BICRA: variants seen among roughly 807,000 people sequenced by gnomAD.
BICRA encodes BRD4 interacting chromatin remodeling complex associated protein, also known as BRD4-interacting chromatin-remodeling complex-associated protein.
A neutral mutation model predicts 96.9 loss-of-function variants in BICRA; 31 were observed. The ratio of observed to expected loss-of-function variants is 0.32; its 90% CI spans 0.24 to 0.43. The LOEUF (loss-of-function observed/expected upper bound fraction) is 0.43. Among genes scored for constraint, BICRA ranks in the 20% least tolerant of loss-of-function variants. BICRA has a pLI of 1.00. For missense variants in BICRA, 2,283 were observed against 2,190.3 expected, an observed-to-expected ratio of 1.04 and a Z score of -0.84; for synonymous variants, 1,350 against 1,071.8, an observed-to-expected ratio of 1.26 and a Z score of -5.07.
Position 47,643,803 on chromosome 19 carries a change from C to G in BICRA, c.-107-26640C>G, listed in dbSNP as rs182486692. 4.0e-4 allele frequency among the ~76,000 whole-genome samples: 61 copies of G among 152,254 alleles called. 1 individual carries two copies. The highest frequency in any genetic ancestry group is 1.4e-3 in the African/African-American group (58 of 41,548). ...GGCAATGCTGAGAATATTTAAGCGT[C>G]CAGAGCCCCACCAGAACCCAGGCTG... On this transcript the variant is annotated intron_variant, in intron 1 of 14. Transcript: ENST00000594866.
rs1972895161 is a variant in BICRA, at chr19:47,673,423, A to T, written c.-5-147A>T. 7.5e-6 allele frequency: 5 copies of T among 668,630 alleles called. No homozygotes were observed. The Admixed American group carries it at 7.6e-5, about 10-fold the overall frequency. 41.4% of individuals were successfully genotyped at this position (668,630 alleles called of 1,614,324 possible). ...CTGGCTGGGAGGGCACCTGGGAGGT[A>T]TTCCTTGTCCCCATCTATCCCCATG... On this transcript the variant is annotated intron_variant, in intron 2 of 14. Coordinates refer to ENST00000594866, the MANE Select transcript of BICRA (RefSeq NM_001394372.1).
chr19:47,659,550 C>G (rs557912506), intron 1 of BICRA, among the ~76,000 whole-genome samples: 1 of 152,192 alleles, frequency 6.6e-6, no homozygotes, highest in East Asian at 1.9e-4. Context: ...GGACTCCTTT[C>G]TCCATGTGGA....
chr19:47,665,121 T>G (rs1303959180), intron 1 of BICRA, among the ~76,000 whole-genome samples: 2 of 148,690 alleles, frequency 1.3e-5, no homozygotes, highest in African/African-American at 4.9e-5. Flanking sequence ...CCTCCCTGGC[T>G]GAGAACCACC....
chr19:47,664,790 T>C (rs992410537), intron 1 of BICRA, among the ~76,000 whole-genome samples: 5 of 152,298 alleles, frequency 3.3e-5, no homozygotes, highest in Admixed American at 3.3e-4. Context: ...TGGCCACATG[T>C]CCGCCCTGTT....
intron 1 of BICRA, among the ~76,000 whole-genome samples, chr19:47,636,330 C>T (rs1330622153): frequency 6.6e-6 from 1 of 152,178 alleles, no homozygotes; most frequent in Non-Finnish European, 1.5e-5. Flanking sequence ...CCTCAGCCTC[C>T]TGAGGATCTG....
chr19:47,697,449 A>G (rs949156705), intron 11 of BICRA, among the ~76,000 whole-genome samples: 1 of 151,382 alleles, frequency 6.6e-6, no homozygotes, highest in African/African-American at 2.4e-5. Context: ...AGGTCTTACT[A>G]TGTTGCCCAG....
At position 47,701,155 on chromosome 19, in the gene BICRA, G is replaced by A. The variant is rs951216813; in HGVS notation, c.3596-173G>A. The A allele has an allele frequency of 6.6e-6, 4 of 604,756 alleles. No individual in the cohort carries two copies. The highest frequency in any genetic ancestry group is 3.7e-5 in the African/African-American group (2 of 53,814). The allele number at this position is 604,756 out of a possible 1,614,324, so 37.5% of individuals were successfully genotyped here. On this transcript the variant is annotated intron_variant, in intron 14 of 14. Transcript: ENST00000594866. This position sits in a 1 kb window ranked among gnomAD's most constrained non-coding sequence, Gnocchi z 5.4. ...AGGCACAGTGGTTTTAGAGTTGGGG[G>A]AATTTGGGCCTTGCTGAAGAGGGTC...
At chr19:47,608,892 GGT>G (rs1491375907), upstream of BICRA, among the ~76,000 whole-genome samples, 1 of 40,762 alleles carries the variant, frequency 2.5e-5, no homozygotes, top group African/African-American at 1.1e-4. Context: ...AAACCTGAGA[GGT>G]TTTTTTTTTT....
At chr19:47,667,619 G>C (rs1465099210) in intron 1 of BICRA, among the ~76,000 whole-genome samples, 3 of 152,116 alleles carry the variant, frequency 2.0e-5, no homozygotes, top group Non-Finnish European at 2.9e-5. Context: ...AGAATCCTGT[G>C]TTCCAGGGTC....
At chr19:47,657,065 G>T (rs1972629491) in intron 1 of BICRA, among the ~76,000 whole-genome samples, 1 of 152,052 alleles carries the variant, frequency 6.6e-6, no homozygotes, top group Non-Finnish European at 1.5e-5. Flanking sequence ...GTTTCACTGT[G>T]TTAGCCAGGA....
rs576221990 is a variant in BICRA, at chr19:47,672,368, G to C, written c.-5-1202G>C. Among the ~76,000 whole-genome samples the C allele has an allele frequency of 4.7e-3, 700 of 149,448 alleles. 5 individuals carry two copies. The highest frequency in any genetic ancestry group is 0.016 in the African/African-American group (659 of 40,192). ...GTAGATGGATGGAAGGATGGAGGAT[G>C]GGTAGGTAGATGGATGGAAGGATGG... On this transcript the variant is annotated intron_variant, in intron 2 of 14. Coordinates refer to ENST00000594866, the MANE Select transcript of BICRA (RefSeq NM_001394372.1).
At chr19:47,695,864 C>G (rs1362060690) in intron 10 of BICRA, among the ~76,000 whole-genome samples, 1 of 151,694 alleles carries the variant, frequency 6.6e-6, no homozygotes, top group Non-Finnish European at 1.5e-5. Context: ...AGATCAGGGA[C>G]CGAGAATGAA....
At chr19:47,694,849 C>A in intron 8 of BICRA, 51 bp from the exon 9 acceptor site, 1 of 1,351,646 alleles carries the variant, frequency 7.4e-7, no homozygotes, top group Non-Finnish European at 1.0e-6. Context: ...TCTGGACACC[C>A]CTACACCTAG....
At chr19:47,673,473 C>T (rs1599841651) in intron 2 of BICRA, 97 bp from the exon 3 acceptor site, 1 of 914,494 alleles carries the variant, frequency 1.1e-6, no homozygotes, top group Admixed American at 1.8e-5. Flanking sequence ...GAAACTCTGA[C>T]CCCCTCCAGG....
rs1160675542 is a variant in BICRA, at chr19:47,698,816, C to G, written c.3397+34C>G. 3.9e-6 allele frequency: 6 copies of G among 1,538,054 alleles called. No individual in the cohort carries two copies. In the East Asian group the frequency reaches 7.1e-5, roughly 18 times the overall value. ...TCCCCAGGACACGGCCCTATATGTCCCAGGGGACCCCAGCCCGTGGGGCGG... is the reference window on the plus strand; with the variant it reads ...TCCCCAGGACACGGCCCTATATGTCGCAGGGGACCCCAGCCCGTGGGGCGG... On this transcript the variant is annotated intron_variant, in intron 12 of 14. Transcript: ENST00000594866. This position sits in a 1 kb window ranked among gnomAD's most constrained non-coding sequence, Gnocchi z 4.8.
intron 1 of BICRA, chr19:47,626,132 T>A (rs780573507): frequency 6.6e-6 from 1 of 152,240 alleles, no homozygotes; most frequent in Non-Finnish European, 1.5e-5. Flanking sequence ...CGGATCGTGA[T>A]GGCAATAACC....
chr19:47,636,882 C>A (rs66506948), intron 1 of BICRA, among the ~76,000 whole-genome samples: 1 of 151,956 alleles, frequency 6.6e-6, no homozygotes, highest in Non-Finnish European at 1.5e-5. Context: ...GAGTCCTCTT[C>A]GTTCACTCAC....
At position 47,681,204 on chromosome 19, in the gene BICRA, C is replaced by T. The variant is rs1460777384; in HGVS notation, c.2034C>T (p.Val678=). Residue 678 remains valine, a synonymous_variant, in exon 6 of 15, where the codon GTC becomes GTT. Transcript: ENST00000594866. ...TGGCGTCTAGCCCGGAGAAGATCGT[C>T]CTGGGGCAGCCGCCCTCTGCCACCC... ...PGLASSPEKI[V]LGQPPSATPT... The T allele has an allele frequency of 1.8e-5, 28 of 1,534,152 alleles. No homozygotes were observed. The highest frequency in any genetic ancestry group is 1.7e-4 in the Middle Eastern group (1 of 5,980).
At chr19:47,613,719 G>A (rs971106061) in intron 1 of BICRA, among the ~76,000 whole-genome samples, 1 of 152,072 alleles carries the variant, frequency 6.6e-6, no homozygotes, top group African/African-American at 2.4e-5. Flanking sequence ...GGAGCGTTTG[G>A]TTGAGGGGTC....
Sources: gnomAD v4.1 joint callset for allele counts (sites outside exome capture counted in the v4.1 genomes callset) on GRCh38, gnomAD v4.1.1 for gene constraint, Gnocchi (gnomAD v3.1) non-coding constraint, MANE v1.5 for transcripts, NCBI Gene and HGNC (gene_info 2026-07-23, HGNC 2026-07-21) for gene names.